The following LYPD6B variants were observed in gnomAD, a reference collection of about 807,000 sequenced individuals.
The protein encoded by LYPD6B is ly6/PLAUR domain-containing protein 6B.
LYPD6B carries 17 observed loss-of-function variants against 22.8 expected under a neutral mutation model. The ratio of observed to expected loss-of-function variants is 0.75; its 90% CI spans 0.51 to 1.12. LYPD6B has a LOEUF of 1.12. LYPD6B is among the 50% of genes most tolerant of loss of function. The probability of loss-of-function intolerance (pLI) is 0.00; values close to 1 mark genes in which losing one functional copy is unlikely to be tolerated. For synonymous variants in LYPD6B, 106 were observed against 91.6 expected (o/e 1.16, Z -0.90); for missense variants, 221 against 258.3 (o/e 0.86, Z 0.99).
At chr2:149,070,092 C>G (rs943600436) in intron 1 of LYPD6B, among the ~76,000 whole-genome samples, 1 of 152,012 alleles carries the variant, frequency 6.6e-6, no homozygotes, top group Admixed American at 6.6e-5. Flanking sequence ...GTTTTGGAAG[C>G]AAGGCACTAT....
At position 149,157,480 on chromosome 2, in the gene LYPD6B, C is replaced by G. The variant is rs146199937; in HGVS notation, c.6-3284C>G. On this transcript the variant is annotated intron_variant, in intron 2 of 6. Coordinates refer to ENST00000409642, the MANE Select transcript of LYPD6B (RefSeq NM_177964.5). ...CAATCTGCGATGACAGCAGATCCTCCCAGCTGAGACGTTTATGCTGAACAA... is the reference window on the plus strand; with the variant it reads ...CAATCTGCGATGACAGCAGATCCTCGCAGCTGAGACGTTTATGCTGAACAA... 3.2e-4 allele frequency among the ~76,000 whole-genome samples: 48 copies of G among 152,312 alleles called. No homozygotes were observed. In the East Asian group the frequency reaches 5.8e-3, roughly 18 times the overall value.
chr2:149,197,748 C>T (rs567275367), intron 3 of LYPD6B, among the ~76,000 whole-genome samples: 3 of 152,306 alleles, frequency 2.0e-5, no homozygotes, highest in South Asian at 2.1e-4. Flanking sequence ...CTGAGTGCTT[C>T]GTTCATGGAA....
intron 3 of LYPD6B, among the ~76,000 whole-genome samples, chr2:149,163,990 C>T (rs1271898451): frequency 1.3e-5 from 2 of 152,006 alleles, no homozygotes; most frequent in African/African-American, 2.4e-5. Context: ...GGAGGAAGGA[C>T]GTAGGCAAAT....
At chr2:149,100,101 A>G (rs1377366456) in intron 1 of LYPD6B, among the ~76,000 whole-genome samples, 2 of 152,134 alleles carry the variant, frequency 1.3e-5, no homozygotes, top group African/African-American at 4.8e-5. Flanking sequence ...GATGCTGGCC[A>G]GGGGCAGCTG....
At chr2:149,178,376 T>C (rs1691471311) in intron 3 of LYPD6B, among the ~76,000 whole-genome samples, 1 of 152,232 alleles carries the variant, frequency 6.6e-6, no homozygotes, top group South Asian at 2.1e-4. Flanking sequence ...ACCACTGTGA[T>C]CTAGATGTCC....
intron 1 of LYPD6B, among the ~76,000 whole-genome samples, chr2:149,098,509 C>T (rs539115945): frequency 6.6e-6 from 1 of 151,732 alleles, no homozygotes; most frequent in African/African-American, 2.4e-5. Context: ...CGCCTGTAAT[C>T]CCAGCTACTC....
chr2:149,195,195 CAT>C (rs1692732023), intron 3 of LYPD6B, among the ~76,000 whole-genome samples: 1 of 152,226 alleles, frequency 6.6e-6, no homozygotes, highest in South Asian at 2.1e-4. Context: ...CATCTCCAAA[CAT>C]AGACTGGGCC....
At chr2:149,159,589 CGTGTGTGTGTGTGT>C (rs60129822) in intron 2 of LYPD6B, among the ~76,000 whole-genome samples, 2 of 145,798 alleles carry the variant, frequency 1.4e-5, no homozygotes, top group African/African-American at 2.5e-5. Flanking sequence ...CATATGTGTG[CGTGTGTGTGTGTGT>C]GTGTGTGTGT....
At chr2:149,128,428 G>T (rs1009962669) in intron 1 of LYPD6B, among the ~76,000 whole-genome samples, 1 of 152,190 alleles carries the variant, frequency 6.6e-6, no homozygotes, top group African/African-American at 2.4e-5. Flanking sequence ...CTGCTTCCTT[G>T]TTCTAGTTCT....
chr2:149,058,201 C>A (rs1378510233), intron 1 of LYPD6B, among the ~76,000 whole-genome samples: 1 of 152,170 alleles, frequency 6.6e-6, no homozygotes, highest in Non-Finnish European at 1.5e-5. Flanking sequence ...ATTTTCCAAC[C>A]AAATTCCCAA....
rs1413323080 is a variant in LYPD6B at position 149,214,840 on chromosome 2, A to G, written c.*130A>G. 5 of 978,384 alleles carry G rather than the reference A, an allele frequency of 5.1e-6. No individual in the cohort carries two copies. In the East Asian group the frequency reaches 7.2e-5, roughly 14 times the overall value. The allele number at this position is 978,384 out of a possible 1,614,324, so 60.6% of individuals were successfully genotyped here. On this transcript the variant is annotated 3_prime_UTR_variant, in exon 7 of 7. Coordinates refer to ENST00000409642, the MANE Select transcript of LYPD6B (RefSeq NM_177964.5). ...AGTGCACATTGGACCTCAAGGCGAAAGCCAGTGGTTTGCTTGGATAAAATG... is the reference window on the plus strand; with the variant it reads ...AGTGCACATTGGACCTCAAGGCGAAGGCCAGTGGTTTGCTTGGATAAAATG...
chr2:149,144,376 TTTTTTGTTTG>T (rs1197816130), intron 2 of LYPD6B, among the ~76,000 whole-genome samples: 1 of 152,114 alleles, frequency 6.6e-6, no homozygotes. Flanking sequence ...AAGACTAGTT[TTTTTTGTTTG>T]TTTTTGTTTG....
chr2:149,102,691 A>G (rs573915782), intron 1 of LYPD6B, among the ~76,000 whole-genome samples: 3 of 152,250 alleles, frequency 2.0e-5, no homozygotes, highest in South Asian at 4.1e-4. Flanking sequence ...ATGTAGTGGT[A>G]CGATCTCAGC....
intron 1 of LYPD6B, among the ~76,000 whole-genome samples, chr2:149,084,564 A>AT (rs1685300253): frequency 6.6e-6 from 1 of 152,140 alleles, no homozygotes; most frequent in African/African-American, 2.4e-5. Flanking sequence ...ATCCCTGGGT[A>AT]TATTTTGTGG....
At chr2:149,211,528 TGGCTG>T (rs1290545219) in intron 5 of LYPD6B, among the ~76,000 whole-genome samples, 1 of 152,080 alleles carries the variant, frequency 6.6e-6, no homozygotes, top group African/African-American at 2.4e-5. Context: ...TAGGAGTACC[TGGCTG>T]ATAGTGCACA....
chr2:149,093,700 G>T (rs193225387), intron 1 of LYPD6B, among the ~76,000 whole-genome samples: 334 of 152,310 alleles, frequency 2.2e-3, no homozygotes, highest in Middle Eastern at 3.4e-3. Flanking sequence ...GAAACAATTT[G>T]TGGTTTTCTG....
chr2:149,074,528 G>A (rs958412126), intron 1 of LYPD6B, among the ~76,000 whole-genome samples: 8 of 152,176 alleles, frequency 5.3e-5, no homozygotes, highest in Non-Finnish European at 8.8e-5. Flanking sequence ...CTAAGGGCAC[G>A]CACAAAGGCT....
At chr2:149,103,257 A>T (rs887236040) in intron 1 of LYPD6B, among the ~76,000 whole-genome samples, 1 of 152,232 alleles carries the variant, frequency 6.6e-6, no homozygotes, top group Non-Finnish European at 1.5e-5. Flanking sequence ...ACGTTAACTT[A>T]TGTTTACATG....
intron 3 of LYPD6B, among the ~76,000 whole-genome samples, chr2:149,165,216 G>A (rs1301877314): frequency 1.3e-5 from 2 of 152,126 alleles, no homozygotes; most frequent in Admixed American, 6.6e-5. Context: ...TAAGCTTGAA[G>A]CCTAAACTCA....
Sources: allele counts gnomAD v4.1 joint callset (sites outside exome capture counted in the v4.1 genomes callset), GRCh38; gene constraint gnomAD v4.1.1; transcripts MANE v1.5; gene names NCBI Gene and HGNC (gene_info 2026-07-23, HGNC 2026-07-21).